GFRA1: variants seen among roughly 807,000 people sequenced by gnomAD.
GFRA1 encodes GDNF family receptor alpha-1.
GFRA1 carries 16 observed loss-of-function variants against 51.6 expected under a neutral mutation model. The ratio of observed to expected loss-of-function variants is 0.31; its 90% CI spans 0.21 to 0.47. GFRA1 has a LOEUF of 0.47. Among genes scored for constraint, GFRA1 ranks in the 20% least tolerant of loss-of-function variants. The pLI is 1.00. For missense variants in GFRA1, 530 were observed against 594.3 expected (o/e 0.89, Z 1.13); for synonymous variants, 270 against 241.3 (o/e 1.12, Z -1.10).
At chr10:116,270,604 C>T (rs749215783) in intron 3 of GFRA1, among the ~76,000 whole-genome samples, 4 of 152,200 alleles carry the variant, frequency 2.6e-5, no homozygotes, top group African/African-American at 7.2e-5. Context: ...GCCCTCCCCC[C>T]AGCCCCCGTC....
intron 6 of GFRA1, among the ~76,000 whole-genome samples, chr10:116,120,347 G>C (rs547717342): frequency 2.0e-5 from 3 of 152,126 alleles, no homozygotes; most frequent in African/African-American, 7.2e-5. Context: ...GAGGCAGGAG[G>C]ATCACTCCAG....
At chr10:116,204,771 A>C (rs1964600115) in intron 5 of GFRA1, among the ~76,000 whole-genome samples, 1 of 152,228 alleles carries the variant, frequency 6.6e-6, no homozygotes, top group African/African-American at 2.4e-5. Flanking sequence ...TAAGTTATTG[A>C]ATAAATACAT....
In GFRA1 at chr10:116,065,588, G is replaced by A. The variant is rs746444341; in HGVS notation, c.1236C>T (p.His412=). The change falls in exon 10 of 11, where the codon CAC becomes CAT. Residue 412 remains histidine (H), a synonymous_variant. Coordinates refer to ENST00000355422, the MANE Select transcript of GFRA1 (RefSeq NM_005264.8). ...KLKSNVSGNT[H]LCISNGNYEK... ...ACATACTTACATTGGAAATACAGAG[G>A]TGTGTATTGCCCGACACATTGGATT... 30 of 1,612,638 alleles carry A rather than the reference G, an allele frequency of 1.9e-5. No individual in the cohort carries two copies. Among genetic ancestry groups the A allele is most frequent in the Non-Finnish European group, 5.1e-6 (6 of 1,178,834 alleles).
chr10:116,156,977 A>C (rs1959219612), intron 5 of GFRA1, among the ~76,000 whole-genome samples: 1 of 152,214 alleles, frequency 6.6e-6, no homozygotes, highest in African/African-American at 2.4e-5. Context: ...CTGCCGAAAT[A>C]ACTCCTTTGC....
At position 116,118,859 on chromosome 10, in the gene GFRA1, G is replaced by A. The variant is rs75446792; in HGVS notation, c.770+6362C>T. Among the ~76,000 whole-genome samples, 5 of 152,326 alleles carry A rather than the reference G, an allele frequency of 3.3e-5. No individual in the cohort carries two copies. The East Asian group carries it at 9.6e-4, about 29-fold the overall frequency. ...CTGAGGAAAACGAGGCAGAGACCCT[G>A]AGCTTGGGCAGATGCAGGGAGGGGA... On this transcript the variant is annotated intron_variant, in intron 6 of 10. Transcript: ENST00000355422.
intron 7 of GFRA1, 116 bp from the exon 8 acceptor site, chr10:116,093,952 A>C: frequency 1.0e-6 from 1 of 963,558 alleles, no homozygotes; most frequent in Non-Finnish European, 1.7e-6. Flanking sequence ...CAGACATTGT[A>C]TTTGCTGAGT....
intron 5 of GFRA1, among the ~76,000 whole-genome samples, chr10:116,193,648 A>T (rs1963463065): frequency 6.6e-6 from 1 of 152,148 alleles, no homozygotes; most frequent in Non-Finnish European, 1.5e-5. Flanking sequence ...ACCCTCTCTA[A>T]CCCAACCTTG....
chr10:116,188,886 T>G (rs1589856321), intron 5 of GFRA1, among the ~76,000 whole-genome samples: 4 of 140,766 alleles, frequency 2.8e-5, no homozygotes, highest in African/African-American at 1.1e-4. Flanking sequence ...AGTGACAGAG[T>G]GAGACTCTGT....
At chr10:116,197,848 C>T (rs1964017031) in intron 5 of GFRA1, among the ~76,000 whole-genome samples, 1 of 152,162 alleles carries the variant, frequency 6.6e-6, no homozygotes, top group Non-Finnish European at 1.5e-5. Context: ...GCGGATTATT[C>T]CGGAGTGCTG....
At chr10:116,188,560 T>C (rs1008153812) in intron 5 of GFRA1, among the ~76,000 whole-genome samples, 13 of 152,048 alleles carry the variant, frequency 8.5e-5, no homozygotes, top group African/African-American at 3.1e-4. Context: ...TGCACAACAA[T>C]GTGAATATAC....
At chr10:116,136,076 T>C (rs975095122) in intron 5 of GFRA1, among the ~76,000 whole-genome samples, 2 of 152,372 alleles carry the variant, frequency 1.3e-5, no homozygotes, top group Admixed American at 1.3e-4. Context: ...GTGAAATCTT[T>C]TAATGACTTT....
intron 5 of GFRA1, among the ~76,000 whole-genome samples, chr10:116,203,321 T>C (rs1201564689): frequency 6.6e-6 from 1 of 152,140 alleles, no homozygotes; most frequent in East Asian, 1.9e-4. Context: ...ACAATGCGAG[T>C]GGGGCTCTCA....
intron 6 of GFRA1, among the ~76,000 whole-genome samples, chr10:116,101,696 T>G (rs1956821515): frequency 6.6e-6 from 1 of 152,156 alleles, no homozygotes; most frequent in South Asian, 2.1e-4. Context: ...AATGCCCAAT[T>G]TAACCCATCC....
At chr10:116,255,808 ACAGT>A (rs1288254737) in intron 4 of GFRA1, 57 of 1,225,558 alleles carry the variant, frequency 4.7e-5, no homozygotes, top group Admixed American at 7.1e-5. Flanking sequence ...TCCCTGGCAC[ACAGT>A]CAGTTCGCAA....
At chr10:116,125,927 T>C (rs1014786681) in intron 5 of GFRA1, among the ~76,000 whole-genome samples, 1 of 152,228 alleles carries the variant, frequency 6.6e-6, no homozygotes, top group Admixed American at 6.5e-5. Context: ...TATATACTTG[T>C]TCATGATATG....
At chr10:116,106,191 G>A (rs1177969599) in intron 6 of GFRA1, among the ~76,000 whole-genome samples, 2 of 152,196 alleles carry the variant, frequency 1.3e-5, no homozygotes, top group Non-Finnish European at 2.9e-5. Context: ...CTGACACCTT[G>A]ATTTCAGCCC....
At chr10:116,097,310 G>A (rs530698370) in intron 6 of GFRA1, among the ~76,000 whole-genome samples, 21 of 152,172 alleles carry the variant, frequency 1.4e-4, no homozygotes, top group Non-Finnish European at 2.6e-4. Flanking sequence ...TATTCCAGCC[G>A]AGTGGCACTG....
At chr10:116,094,886 T>G (rs1236348139) in intron 7 of GFRA1, among the ~76,000 whole-genome samples, 1 of 152,190 alleles carries the variant, frequency 6.6e-6, no homozygotes, top group Non-Finnish European at 1.5e-5. Flanking sequence ...GGGAGGAGGT[T>G]AAGGCCATTG....
In GFRA1 at chr10:116,059,606, T is replaced by C. The variant is rs112935950; in HGVS notation, c.*4792A>G. On this transcript the variant is annotated 3_prime_UTR_variant, in exon 11 of 11. Transcript: ENST00000355422. ...GTTCTCTGCAGGCAGTTTATTGGAA[T>C]AGGGTTTGTGCGCCTTCTCCACCCC... The C allele has an allele frequency of 1.1e-3, 173 of 152,328 alleles. No individual in the cohort carries two copies. The highest frequency in any genetic ancestry group is 4.0e-3 in the African/African-American group (166 of 41,562). The allele number at this position is 152,328 out of a possible 1,614,324, so 9.4% of individuals were successfully genotyped here.
Sources: allele counts gnomAD v4.1 joint callset (sites outside exome capture counted in the v4.1 genomes callset), GRCh38; gene constraint gnomAD v4.1.1; transcripts MANE v1.5; gene names NCBI Gene and HGNC (gene_info 2026-07-23, HGNC 2026-07-21).